HECW2: variants seen among roughly 807,000 people sequenced by gnomAD.
The protein encoded by HECW2 is HECT, C2 and WW domain containing E3 ubiquitin protein ligase 2.
Under a neutral mutation model 175.2 loss-of-function variants are expected in HECW2, and 61 were observed. That is an observed-to-expected ratio of 0.35 (90% CI 0.28 to 0.43). The LOEUF (loss-of-function observed/expected upper bound fraction) is 0.43. HECW2 is among the 20% of genes least tolerant of loss of function. The pLI is 1.00. For synonymous variants in HECW2, 671 were observed against 731.0 expected (o/e 0.92, Z 1.32); for missense variants, 1,524 against 2,000.5 (o/e 0.76, Z 4.54).
At chr2:196,229,465 G>A (rs1575257405) in intron 21 of HECW2, among the ~76,000 whole-genome samples, 1 of 152,164 alleles carries the variant, frequency 6.6e-6, no homozygotes, top group East Asian at 1.9e-4. Flanking sequence ...TTTGAGATAA[G>A]CCTGGGCAAG....
At chr2:196,574,438 A>G (rs934319410) in intron 1 of HECW2, among the ~76,000 whole-genome samples, 1 of 152,136 alleles carries the variant, frequency 6.6e-6, no homozygotes. Context: ...TCAAGAAGAA[A>G]AAAAAAAAGA....
chr2:196,592,491 T>C (rs1370253921), intron 1 of HECW2: 1 of 152,236 alleles, frequency 6.6e-6, no homozygotes, highest in African/African-American at 2.4e-5. Flanking sequence ...CTCGGAAACG[T>C]CTACGTCTAA....
At chr2:196,201,521 C>T in intron 28 of HECW2, 133 bp from the exon 29 acceptor site, 2 of 512,880 alleles carry the variant, frequency 3.9e-6, no homozygotes, top group Non-Finnish European at 6.9e-6. Context: ...TGCCAATTTT[C>T]ACACTCCTTT....
At chr2:196,433,005 C>T in intron 2 of HECW2, 127 bp downstream of exon 2, 1 of 783,382 alleles carries the variant, frequency 1.3e-6, no homozygotes, top group Non-Finnish European at 2.0e-6. Context: ...AAAATAAATT[C>T]CCAGAATCTG....
intron 21 of HECW2, among the ~76,000 whole-genome samples, chr2:196,235,955 C>A (rs1688238966): frequency 6.6e-6 from 1 of 152,066 alleles, no homozygotes; most frequent in Non-Finnish European, 1.5e-5. Flanking sequence ...CTGTGCCCGG[C>A]CGATGCGTTA....
intron 2 of HECW2, among the ~76,000 whole-genome samples, chr2:196,374,045 T>TAA (rs148245930): frequency 8.1e-6 from 1 of 123,620 alleles, no homozygotes. Flanking sequence ...AAAAATAAAA[T>TAA]AAAATAAATA....
At chr2:196,448,384 A>G (rs527527032) in intron 1 of HECW2, among the ~76,000 whole-genome samples, 2 of 152,304 alleles carry the variant, frequency 1.3e-5, no homozygotes, top group Admixed American at 1.3e-4. Context: ...TGGATGACAC[A>G]GCTGAGACCT....
At chr2:196,245,618 C>T (rs565111795) in intron 19 of HECW2, among the ~76,000 whole-genome samples, 62 of 152,188 alleles carry the variant, frequency 4.1e-4, no homozygotes, top group African/African-American at 1.4e-3. Context: ...AGAGATCCCA[C>T]GTAAGTGTTA....
At chr2:196,273,049 A>ATTTTTTTTTTTTTTTTTTTTTTT (rs778348590) in intron 16 of HECW2, among the ~76,000 whole-genome samples, 8 of 113,116 alleles carry the variant, frequency 7.1e-5, no homozygotes, top group African/African-American at 2.7e-4. Flanking sequence ...AGCTGGTCTA[A>ATTTTTTTTTTTTTTTTTTTTTTT]TTTTTTTTTT....
intron 17 of HECW2, among the ~76,000 whole-genome samples, chr2:196,258,462 G>A (rs1292498050): frequency 6.6e-6 from 1 of 152,094 alleles, no homozygotes; most frequent in Admixed American, 6.6e-5. Flanking sequence ...AGAAAAAACT[G>A]AAATACTTTG....
chr2:196,310,200 C>T (rs925454461), intron 10 of HECW2, among the ~76,000 whole-genome samples: 2 of 152,176 alleles, frequency 1.3e-5, no homozygotes, highest in African/African-American at 2.4e-5. Flanking sequence ...TCAATAAAGA[C>T]CTTTCAATGT....
chr2:196,302,798 T>C (rs1691113141), intron 13 of HECW2, among the ~76,000 whole-genome samples: 1 of 152,246 alleles, frequency 6.6e-6, no homozygotes, highest in Non-Finnish European at 1.5e-5. Context: ...GCTTATCAGC[T>C]TAAGAATCTT....
At chr2:196,450,622 C>T (rs951940449) in intron 1 of HECW2, among the ~76,000 whole-genome samples, 8 of 151,560 alleles carry the variant, frequency 5.3e-5, no homozygotes, top group Non-Finnish European at 7.4e-5. Context: ...GCTAGGATTA[C>T]AGGCATGTGC....
intron 1 of HECW2, among the ~76,000 whole-genome samples, chr2:196,451,431 C>CAAAAAAA (rs1383013336): frequency 4.6e-5 from 3 of 65,900 alleles, no homozygotes; most frequent in African/African-American, 1.1e-4. Flanking sequence ...GACTCCGTCT[C>CAAAAAAA]AAAAAAAAAA....
intron 19 of HECW2, among the ~76,000 whole-genome samples, chr2:196,247,901 G>A (rs1350243914): frequency 6.6e-6 from 1 of 152,136 alleles, no homozygotes; most frequent in Non-Finnish European, 1.5e-5. Flanking sequence ...TCTGTCCTGG[G>A]ACAGCTCAGA....
At chr2:196,404,828 T>C (rs572205571) in intron 2 of HECW2, among the ~76,000 whole-genome samples, 4,424 of 131,044 alleles carry the variant, frequency 0.034, 76 homozygotes, top group Middle Eastern at 0.088. Context: ...TCTTTTTTTT[T>C]TTTTTTTTTT....
At chr2:196,293,561 C>CT (rs1445214583) in intron 13 of HECW2, among the ~76,000 whole-genome samples, 2 of 152,220 alleles carry the variant, frequency 1.3e-5, no homozygotes, top group East Asian at 3.9e-4. Flanking sequence ...GGTTCTAGAT[C>CT]TTTGAGGAAT....
At chr2:196,287,619 G>A (rs552608320) in intron 14 of HECW2, among the ~76,000 whole-genome samples, 40 of 152,140 alleles carry the variant, frequency 2.6e-4, no homozygotes, top group African/African-American at 7.9e-4. Context: ...CAACTTTCAC[G>A]GTTTTGTTTT....
At chr2:196,226,116 G>C (rs1687840481) in intron 22 of HECW2, among the ~76,000 whole-genome samples, 1 of 152,106 alleles carries the variant, frequency 6.6e-6, no homozygotes, top group East Asian at 1.9e-4. Context: ...GGTGGGGCCT[G>C]GTGGGAGGTG....
Sources: allele counts gnomAD v4.1 joint callset (sites outside exome capture counted in the v4.1 genomes callset), GRCh38; gene constraint gnomAD v4.1.1; transcripts MANE v1.5; gene names NCBI Gene and HGNC (gene_info 2026-07-23, HGNC 2026-07-21).